Variants in LDLRAD2 observed in about 807,000 individuals in gnomAD.
LDLRAD2 encodes the protein low-density lipoprotein receptor class A domain-containing protein 2.
In LDLRAD2, 25 loss-of-function variants were observed where a neutral mutation model predicts 24.9. The observed-to-expected ratio is 1.00, with a 90% CI of 0.73 to 1.40. The LOEUF is 1.40. LDLRAD2 is among the 40% of genes most tolerant of loss of function. The probability of loss-of-function intolerance (pLI) is 0.00; values close to 1 mark genes in which losing one functional copy is unlikely to be tolerated. For synonymous variants in LDLRAD2, 182 were observed against 166.7 expected, an observed-to-expected ratio of 1.09 and a Z score of -0.71; for missense variants, 391 against 366.2, an observed-to-expected ratio of 1.07 and a Z score of -0.55.
intron 3 of LDLRAD2, among the ~76,000 whole-genome samples, chr1:21,818,988 A>G (rs1363035006): frequency 6.7e-6 from 1 of 148,446 alleles, no homozygotes; most frequent in African/African-American, 2.5e-5. Context: ...GTCCTCTACC[A>G]GAAGACTTTT....
chr1:21,814,970 G>C (rs935977986), intron 2 of LDLRAD2, 147 bp downstream of exon 2: 1 of 764,952 alleles, frequency 1.3e-6, no homozygotes, highest in Middle Eastern at 3.9e-4. Flanking sequence ...GGGTCCAACG[G>C]GAGGGAAGAA....
At chr1:21,820,707 C>T (rs1403250159) in intron 3 of LDLRAD2, among the ~76,000 whole-genome samples, 1 of 152,166 alleles carries the variant, frequency 6.6e-6, no homozygotes, top group East Asian at 1.9e-4. Flanking sequence ...GGTTGTATCC[C>T]CCAGTTGCTA....
At position 21,818,258 on chromosome 1, in the gene LDLRAD2, C is replaced by T. The variant is rs866960283; in HGVS notation, c.643+2184C>T. ...AACTCCTGACCTCAAGTGATCCACC[C>T]GCCTTGGCCTCCCAAAGTGCTGGGA... On this transcript the variant is annotated intron_variant, in intron 3 of 4. Coordinates refer to ENST00000344642, the MANE Select transcript of LDLRAD2 (RefSeq NM_001013693.3). 3.2e-4 allele frequency among the ~76,000 whole-genome samples: 48 copies of T among 150,982 alleles called. 1 individual carries two copies. Among genetic ancestry groups the T allele is most frequent in the African/African-American group, 1.0e-3 (41 of 41,106 alleles).
At position 21,823,455 on chromosome 1, in the gene LDLRAD2, C is replaced by T. The variant is rs748956430; in HGVS notation, c.*1240C>T. 70 of 1,594,368 alleles carry T rather than the reference C, an allele frequency of 4.4e-5. No homozygotes were observed. Among genetic ancestry groups the T allele is most frequent in the Non-Finnish European group, 5.3e-5 (62 of 1,174,636 alleles). On this transcript the variant is annotated 3_prime_UTR_variant, in exon 5 of 5. Coordinates refer to ENST00000344642, the MANE Select transcript of LDLRAD2 (RefSeq NM_001013693.3). ...GCCTGTGATGCCTGAGGAGAATCTG[C>T]CCCCGGTCAGCGTGGCCACGTCAGG...
Position 21,823,005 on chromosome 1 carries a change from G to A in LDLRAD2, c.*790G>A. 3.7e-6 allele frequency: 1 copy of A among 270,854 alleles called. No homozygotes were observed. Among genetic ancestry groups the A allele is most frequent in the Non-Finnish European group, 6.9e-6 (1 of 144,420 alleles). 16.8% of individuals were successfully genotyped at this position (270,854 alleles called of 1,614,324 possible). A position where few individuals can be genotyped will look rare whatever the true frequency, so the allele number is the denominator to read the frequency against. On this transcript the variant is annotated 3_prime_UTR_variant, in exon 5 of 5. Coordinates refer to ENST00000344642, the MANE Select transcript of LDLRAD2 (RefSeq NM_001013693.3). ...ACAGGCCACCCAGCTCTATCTGGGG[G>A]CTCCATCGGTGGGTAGGGGGACAGT...
Position 21,812,328 on chromosome 1 carries a change from C to G in LDLRAD2, c.-124C>G. ...AGATCATAGTGAAGACTTGCCTCCC[C>G]CTTCTCCTTGTGTCCCACCAGCCTC... On this transcript the variant is annotated 5_prime_UTR_variant, in exon 1 of 5. Coordinates refer to ENST00000344642, the MANE Select transcript of LDLRAD2 (RefSeq NM_001013693.3). 1 of 674,552 alleles carries G rather than the reference C, an allele frequency of 1.5e-6. No homozygotes were observed. The highest frequency in any genetic ancestry group is 2.5e-5 in the Admixed American group (1 of 40,304). The allele number at this position is 674,552 out of a possible 1,614,324, so 41.8% of individuals were successfully genotyped here. A position where few individuals can be genotyped will look rare whatever the true frequency, so the allele number is the denominator to read the frequency against.
Position 21,824,679 on chromosome 1 carries a change from T to C in LDLRAD2, c.*2464T>C, listed in dbSNP as rs1228868730. ...ATTCCCATCCTCCCCATTAGGCCCA[T>C]GGGCCCTTCCAATGCCAGTCTCACC... On this transcript the variant is annotated 3_prime_UTR_variant, in exon 5 of 5. Coordinates refer to ENST00000344642, the MANE Select transcript of LDLRAD2 (RefSeq NM_001013693.3). The surrounding 1 kb of genome is among the most constrained non-coding windows in gnomAD (Gnocchi z 5.9). 6.2e-7 allele frequency: 1 copy of C among 1,613,322 alleles called. No homozygotes were observed. Among genetic ancestry groups the C allele is most frequent in the East Asian group, 2.2e-5 (1 of 44,846 alleles).
At position 21,812,556 on chromosome 1, in the gene LDLRAD2, G is replaced by C. The variant is rs374372684; in HGVS notation, c.85+20G>C. 87 of 1,608,860 alleles carry C rather than the reference G, an allele frequency of 5.4e-5. No individual in the cohort carries two copies. Among genetic ancestry groups the C allele is most frequent in the Non-Finnish European group, 7.0e-5 (82 of 1,175,626 alleles). On this transcript the variant is annotated intron_variant, in intron 1 of 4. Transcript: ENST00000344642. ...AGACAGGTAAGTATCAGGGGGCTTG[G>C]TTGGGGCACCCAGAAGACTTGGGCC...
intron 4 of LDLRAD2, chr1:21,821,825 G>A (rs1279240519): frequency 1.3e-5 from 19 of 1,429,642 alleles, no homozygotes; most frequent in Middle Eastern, 2.6e-4. Flanking sequence ...CAGCTGGCTG[G>A]CCTGGCAACC....
chr1:21,822,281 C>A lies in LDLRAD2; in HGVS notation c.*66C>A, dbSNP rs1404990343. On this transcript the variant is annotated 3_prime_UTR_variant, in exon 5 of 5. Coordinates refer to ENST00000344642, the MANE Select transcript of LDLRAD2 (RefSeq NM_001013693.3). ...CACCGTTTATTAAGAAAAATCAAGA[C>A]AAAGACCACAGGAGGGTCCCTTCTA... The A allele has an allele frequency of 2.0e-6, 3 of 1,533,012 alleles. No individual in the cohort carries two copies. The highest frequency in any genetic ancestry group is 2.7e-6 in the Non-Finnish European group (3 of 1,107,180). 95.0% of individuals were successfully genotyped at this position (1,533,012 alleles called of 1,614,324 possible). A position where few individuals can be genotyped will look rare whatever the true frequency, so the allele number is the denominator to read the frequency against.
intron 1 of LDLRAD2, among the ~76,000 whole-genome samples, chr1:21,813,800 C>T (rs2097940849): frequency 6.6e-6 from 1 of 152,124 alleles, no homozygotes; most frequent in African/African-American, 2.4e-5. Flanking sequence ...TCTGGACATC[C>T]CATCCTCATC....
chr1:21,820,522 C>CAAAA (rs11370390), intron 3 of LDLRAD2, among the ~76,000 whole-genome samples: 2 of 70,090 alleles, frequency 2.9e-5, no homozygotes, highest in African/African-American at 5.1e-5. Context: ...GACTCCGTCT[C>CAAAA]AAAAAAAAAA....
rs936010771 is a variant in LDLRAD2, at chr1:21,812,362, C to T, written c.-90C>T. 17 of 1,001,164 alleles carry T rather than the reference C, an allele frequency of 1.7e-5. No homozygotes were observed. The highest frequency in any genetic ancestry group is 2.6e-5 in the Non-Finnish European group (17 of 642,722). The allele number at this position is 1,001,164 out of a possible 1,614,324, so 62.0% of individuals were successfully genotyped here. On this transcript the variant is annotated 5_prime_UTR_variant, in exon 1 of 5. Transcript: ENST00000344642. ...TGTGTCCCACCAGCCTCCCTGCTGG[C>T]CTGACCAGGCCCCATACTCCAGTCT...
Position 21,821,531 on chromosome 1 carries a change from C to T in LDLRAD2, c.725C>T (p.Ser242Phe). The T allele has an allele frequency of 6.2e-7, 1 of 1,614,134 alleles. No individual in the cohort carries two copies. The highest frequency in any genetic ancestry group is 8.5e-7 in the Non-Finnish European group (1 of 1,180,010). The stretch of plus-strand genomic sequence containing the variant: ...CTGACTCCCTCCCCAGCTCTCGGGT[C>T]TGCAGGATCCCTCTGGATTGCAGCT... ...RSLTPSPALGSAGSLWIAAER... is the reference protein window; with the variant it reads ...RSLTPSPALGFAGSLWIAAER... Residue 242 changes from serine to phenylalanine, a missense_variant, in exon 4 of 5, where the codon TCT becomes TTT. By Grantham distance (155) the Ser-to-Phe change is radical. Transcript: ENST00000344642.
intron 3 of LDLRAD2, among the ~76,000 whole-genome samples, chr1:21,817,649 C>CA (rs890451135): frequency 1.3e-5 from 2 of 151,730 alleles, no homozygotes; most frequent in African/African-American, 4.8e-5. Context: ...TTTAGATTTA[C>CA]AAAAAAATTG....
chr1:21,822,117 G>C (rs1228370090), intron 4 of LDLRAD2, 85 bp from the exon 5 acceptor site: 3 of 1,612,054 alleles, frequency 1.9e-6, no homozygotes, highest in Non-Finnish European at 8.5e-7. Context: ...TGCCTCACAG[G>C]GTTGGGGGCC....
intron 3 of LDLRAD2, among the ~76,000 whole-genome samples, chr1:21,820,753 A>C (rs2097950315): frequency 6.6e-6 from 1 of 152,226 alleles, no homozygotes; most frequent in African/African-American, 2.4e-5. Flanking sequence ...TGCTCAAGAA[A>C]TACTAGTCAA....
Position 21,814,639 on chromosome 1 carries a change from C to T in LDLRAD2, c.327C>T (p.Pro109=). ...CGGCCCCGGCCGACCCGTGCGCCCC[C>T]GGCTCCTACCTGCAGTTCTACGAGG... ...SSPAPADPCA[P]GSYLQFYEGP... The change falls in exon 2 of 5, where the codon CCC becomes CCT. Residue 109 remains proline, a synonymous_variant. Transcript: ENST00000344642. 1 of 1,605,200 alleles carries T rather than the reference C, an allele frequency of 6.2e-7. No homozygotes were observed. The highest frequency in any genetic ancestry group is 1.1e-5 in the South Asian group (1 of 90,416).
In LDLRAD2 at chr1:21,812,424, C is replaced by T. The variant is rs1354779280; in HGVS notation, c.-28C>T. The T allele has an allele frequency of 1.3e-6, 2 of 1,590,502 alleles. No homozygotes were observed. The highest frequency in any genetic ancestry group is 2.2e-5 in the South Asian group (2 of 90,480). Reference sequence around the variant, plus strand: ...CCAAGCTGAAGATTCTGTGGGTCTGCCCCATTGCTGGGCACAGCAGAGCCT... The same window carrying T: ...CCAAGCTGAAGATTCTGTGGGTCTGTCCCATTGCTGGGCACAGCAGAGCCT... On this transcript the variant is annotated 5_prime_UTR_variant, in exon 1 of 5. Coordinates refer to ENST00000344642, the MANE Select transcript of LDLRAD2 (RefSeq NM_001013693.3).
Sources: gnomAD v4.1 joint callset for allele counts (sites outside exome capture counted in the v4.1 genomes callset) on GRCh38, gnomAD v4.1.1 for gene constraint, Gnocchi (gnomAD v3.1) non-coding constraint, MANE v1.5 for transcripts, NCBI Gene and HGNC (gene_info 2026-07-23, HGNC 2026-07-21) for gene names.